The following PIGP variants were observed in gnomAD, a reference collection of about 807,000 sequenced individuals.
PIGP encodes the protein phosphatidylinositol N-acetylglucosaminyltransferase subunit P.
Under a neutral mutation model 16.9 loss-of-function variants are expected in PIGP, and 12 were observed. That is an observed-to-expected ratio of 0.71 (90% CI 0.46 to 1.15). PIGP has a LOEUF of 1.15. PIGP is among the 50% of genes most tolerant of loss of function. The pLI is 0.00. For missense variants in PIGP, 159 were observed against 153.5 expected, an observed-to-expected ratio of 1.04 and a Z score of -0.19; for synonymous variants, 57 against 54.7, an observed-to-expected ratio of 1.04 and a Z score of -0.18.
chr21:37,070,253 G>A (rs1341783192), intron 2 of PIGP, among the ~76,000 whole-genome samples: 3 of 152,192 alleles, frequency 2.0e-5, no homozygotes, highest in African/African-American at 7.2e-5. Flanking sequence ...TGGAAGCTTA[G>A]AAAGGATACA....
intron 2 of PIGP, among the ~76,000 whole-genome samples, chr21:37,070,201 C>G (rs1429143582): frequency 6.6e-6 from 1 of 152,146 alleles, no homozygotes; most frequent in African/African-American, 2.4e-5. Context: ...TCCTCCAAGA[C>G]AATCCTCCAA....
intron 2 of PIGP, chr21:37,072,080 G>A (rs1170541107): frequency 2.5e-6 from 2 of 805,828 alleles, no homozygotes; most frequent in African/African-American, 3.4e-5. Context: ...TTTCCAGTCT[G>A]GTTTCAATGT....
chr21:37,066,612 CT>C (rs2069907252), intron 4 of PIGP, among the ~76,000 whole-genome samples: 1 of 152,126 alleles, frequency 6.6e-6, no homozygotes, highest in African/African-American at 2.4e-5. Context: ...TGTTGTGGCT[CT>C]TTTATCCACT....
intron 3 of PIGP, among the ~76,000 whole-genome samples, chr21:37,068,071 T>A (rs1164310755): frequency 6.6e-6 from 1 of 151,650 alleles, no homozygotes; most frequent in Non-Finnish European, 1.5e-5. Context: ...TGCAACGGCA[T>A]GATCACAGAT....
At chr21:37,067,744 C>A (rs1601122864) in intron 3 of PIGP, among the ~76,000 whole-genome samples, 1 of 152,196 alleles carries the variant, frequency 6.6e-6, no homozygotes, top group African/African-American at 2.4e-5. Flanking sequence ...CTATCCTCTT[C>A]TATACTTACA....
chr21:37,066,032 G>A (rs558174279), intron 4 of PIGP, among the ~76,000 whole-genome samples: 14 of 152,048 alleles, frequency 9.2e-5, no homozygotes, highest in African/African-American at 2.9e-4. Context: ...GCAGTGAGCC[G>A]AGATTGCGCC....
At chr21:37,070,096 C>G (rs1458820368) in intron 2 of PIGP, among the ~76,000 whole-genome samples, 2 of 152,182 alleles carry the variant, frequency 1.3e-5, no homozygotes, top group Admixed American at 6.5e-5. Context: ...TCTCGGCACT[C>G]TTTACTGTTA....
At chr21:37,069,332 A>T in intron 3 of PIGP, 1 of 307,546 alleles carries the variant, frequency 3.3e-6, no homozygotes, top group Non-Finnish European at 6.1e-6. Flanking sequence ...TTTTAACAAG[A>T]TTTTTGGAGG....
rs537915212 is a variant in PIGP, at chr21:37,072,780, T to C, written c.-23+220A>G. The C allele has an allele frequency of 7.2e-4, 429 of 591,814 alleles. 1 individual carries two copies. The highest frequency in any genetic ancestry group is 7.2e-3 in the African/African-American group (374 of 51,784). The allele number at this position is 591,814 out of a possible 1,614,324, so 36.7% of individuals were successfully genotyped here. ...GGGTTCTGGGGCGATAGACGCGCGC[T>C]CCAGCTCTGCAAGCGTGGCCTCCCT... On this transcript the variant is annotated intron_variant, in intron 1 of 4. Coordinates refer to ENST00000360525, the MANE Select transcript of PIGP (RefSeq NM_153682.3).
At chr21:37,068,997 G>A (rs930159881) in intron 3 of PIGP, among the ~76,000 whole-genome samples, 3 of 152,156 alleles carry the variant, frequency 2.0e-5, no homozygotes, top group Non-Finnish European at 2.9e-5. Context: ...TTTCTGCAGG[G>A]GAGGGCAGGG....
chr21:37,069,731 G>T, intron 2 of PIGP, 107 bp from the exon 3 acceptor site: 1 of 674,002 alleles, frequency 1.5e-6, no homozygotes, highest in Non-Finnish European at 2.4e-6. Flanking sequence ...CTTTTGAAGT[G>T]TCCCTGATTA....
At chr21:37,072,395 C>A in intron 2 of PIGP, 39 bp downstream of exon 2, 1 of 1,612,658 alleles carries the variant, frequency 6.2e-7, no homozygotes, top group South Asian at 1.1e-5. Context: ...CACTGAACGC[C>A]AGAAAAAGCC....
chr21:37,066,971 CGTGTGTGT>C (rs56940945), intron 4 of PIGP, among the ~76,000 whole-genome samples: 4,385 of 143,786 alleles, frequency 0.03, 112 homozygotes, highest in African/African-American at 0.062. Flanking sequence ...TTTTACTGTC[CGTGTGTGT>C]GTGTGTGTGT....
chr21:37,071,732 A>G (rs1569299005), intron 2 of PIGP, among the ~76,000 whole-genome samples: 1 of 152,170 alleles, frequency 6.6e-6, no homozygotes, highest in Non-Finnish European at 1.5e-5. Flanking sequence ...GTGTGCCTCA[A>G]AATTCTCAAA....
intron 1 of PIGP, 85 bp from the exon 2 acceptor site, chr21:37,072,622 A>T: frequency 6.2e-7 from 1 of 1,601,188 alleles, no homozygotes; most frequent in Non-Finnish European, 8.5e-7. Flanking sequence ...CGCCGCGGGT[A>T]CGGCCCCCGC....
intron 2 of PIGP, among the ~76,000 whole-genome samples, chr21:37,070,048 A>G (rs183658303): frequency 7.9e-5 from 12 of 152,224 alleles, no homozygotes; most frequent in South Asian, 2.1e-4. Flanking sequence ...CTTCTGCCCT[A>G]TCTCCCAGAG....
At chr21:37,070,164 C>G (rs2069978931) in intron 2 of PIGP, among the ~76,000 whole-genome samples, 1 of 152,134 alleles carries the variant, frequency 6.6e-6, no homozygotes, top group South Asian at 2.1e-4. Flanking sequence ...AAGCACAGTT[C>G]CAAGCATTCT....
rs1399528026 is a variant in PIGP at position 37,072,578 on chromosome 21, G to C, written c.-22-41C>G. On this transcript the variant is annotated intron_variant, in intron 1 of 4. Transcript: ENST00000360525. The stretch of plus-strand genomic sequence containing the variant: ...ACAATCAGCGTCAGCGATGTGCTCC[G>C]TGGCACCATTGATCCATTCTCGCCT... 8.1e-6 allele frequency: 13 copies of C among 1,614,002 alleles called. No homozygotes were observed. The highest frequency in any genetic ancestry group is 6.7e-5 in the East Asian group (3 of 44,896).
intron 4 of PIGP, 77 bp from the exon 5 acceptor site, chr21:37,065,789 A>G (rs2069892540): frequency 7.9e-7 from 1 of 1,272,840 alleles, no homozygotes; most frequent in Admixed American, 2.0e-5. Flanking sequence ...GAGACCCACC[A>G]CATAGTTTAC....
Sources: allele counts gnomAD v4.1 joint callset (sites outside exome capture counted in the v4.1 genomes callset), GRCh38; gene constraint gnomAD v4.1.1; transcripts MANE v1.5; gene names NCBI Gene and HGNC (gene_info 2026-07-23, HGNC 2026-07-21).